The following ELOVL6 variants were observed in gnomAD, a reference collection of about 807,000 sequenced individuals.
The protein encoded by ELOVL6 is ELOVL fatty acid elongase 6.
ELOVL6 carries 8 observed loss-of-function variants against 31.7 expected under a neutral mutation model. That is an observed-to-expected ratio of 0.25 (90% CI 0.15 to 0.45). ELOVL6 has a LOEUF of 0.45. Ranked by LOEUF, ELOVL6 falls within the 20% of genes least tolerant of loss-of-function variation. The probability of loss-of-function intolerance (pLI) is 1.00; values close to 1 mark genes in which losing one functional copy is unlikely to be tolerated. For synonymous variants in ELOVL6, 101 were observed against 117.7 expected, an observed-to-expected ratio of 0.86 and a Z score of 0.92; for missense variants, 126 against 326.4, an observed-to-expected ratio of 0.39 and a Z score of 4.73.
chr4:110,075,638 G>C (rs1485126260), intron 2 of ELOVL6, among the ~76,000 whole-genome samples: 1 of 152,112 alleles, frequency 6.6e-6, no homozygotes, highest in African/African-American at 2.4e-5. Context: ...CACTTAATGG[G>C]TACAGTTTCA....
At chr4:110,134,691 T>C (rs1413606454) in intron 1 of ELOVL6, among the ~76,000 whole-genome samples, 1 of 152,172 alleles carries the variant, frequency 6.6e-6, no homozygotes, top group African/African-American at 2.4e-5. Flanking sequence ...CTGGGTGTGG[T>C]AGCTCATGTC....
At position 110,113,089 on chromosome 4, in the gene ELOVL6, G is replaced by A. The variant is rs186951435; in HGVS notation, c.90-7461C>T. On this transcript the variant is annotated intron_variant, in intron 1 of 3. Transcript: ENST00000302274. ...AAAATACAAAAAAAATTAGCCAGGC[G>A]TGGTGGCAGGCGCCTGTAATCCCAG... 1.5e-3 allele frequency among the ~76,000 whole-genome samples: 231 copies of A among 151,694 alleles called. 2 individuals are homozygous for A. Among genetic ancestry groups the A allele is most frequent in the Admixed American group, 5.1e-3 (77 of 15,218 alleles).
chr4:110,117,080 T>C (rs1181596944), intron 1 of ELOVL6, among the ~76,000 whole-genome samples: 1 of 152,194 alleles, frequency 6.6e-6, no homozygotes, highest in East Asian at 1.9e-4. Context: ...AGGGTGATGA[T>C]TTTGCCCTTC....
chr4:110,076,620 C>T (rs542040625), intron 2 of ELOVL6, among the ~76,000 whole-genome samples: 215 of 152,246 alleles, frequency 1.4e-3, no homozygotes, highest in Non-Finnish European at 2.6e-3. Context: ...CCAAGAAGGT[C>T]AAATAAGAAC....
intron 2 of ELOVL6, among the ~76,000 whole-genome samples, chr4:110,091,777 A>G (rs1278379325): frequency 6.6e-6 from 1 of 152,172 alleles, no homozygotes; most frequent in East Asian, 1.9e-4. Flanking sequence ...TCTGTCTACT[A>G]TTGTACCATT....
At position 110,084,360 on chromosome 4, in the gene ELOVL6, C is replaced by G. The variant is rs1420707065; in HGVS notation, c.221+21137G>C. Among the ~76,000 whole-genome samples the G allele has an allele frequency of 2.0e-4, 16 of 80,260 alleles. 1 individual carries two copies. Among genetic ancestry groups the G allele is most frequent in the African/African-American group, 6.6e-4 (15 of 22,560 alleles). 52.7% of individuals were successfully genotyped at this position (80,260 alleles called of 152,430 possible). The stretch of plus-strand genomic sequence containing the variant: ...CACATATATGATATATGATATATAC[C>G]GCATATATGATATATGATATATATC... On this transcript the variant is annotated intron_variant, in intron 2 of 3. Transcript: ENST00000302274.
At chr4:110,193,522 T>C (rs1397661364) in intron 1 of ELOVL6, among the ~76,000 whole-genome samples, 1 of 152,108 alleles carries the variant, frequency 6.6e-6, no homozygotes, top group Non-Finnish European at 1.5e-5. Flanking sequence ...TAAGAATCAC[T>C]GGAACCCGGA....
intron 2 of ELOVL6, among the ~76,000 whole-genome samples, chr4:110,087,818 A>AAAC (rs377416459): frequency 3.4e-4 from 50 of 148,720 alleles, no homozygotes; most frequent in Non-Finnish European, 3.0e-4. Context: ...AAAAAAAAAA[A>AAAC]CCTCCTATTT....
At chr4:110,121,678 G>A (rs951918830) in intron 1 of ELOVL6, among the ~76,000 whole-genome samples, 11 of 152,034 alleles carry the variant, frequency 7.2e-5, no homozygotes, top group African/African-American at 1.7e-4. Flanking sequence ...CAGCCTGGGC[G>A]ACAGATCGAG....
intron 2 of ELOVL6, among the ~76,000 whole-genome samples, chr4:110,076,196 C>T (rs1560808343): frequency 6.6e-6 from 1 of 152,098 alleles, no homozygotes; most frequent in Non-Finnish European, 1.5e-5. Context: ...TAAATTGAAT[C>T]TTTTTATAGG....
At chr4:110,187,288 T>C (rs1334212714) in intron 1 of ELOVL6, among the ~76,000 whole-genome samples, 2 of 151,938 alleles carry the variant, frequency 1.3e-5, no homozygotes, top group Non-Finnish European at 2.9e-5. Context: ...TTACATAGTA[T>C]CTATTGTTTC....
chr4:110,186,340 C>T (rs1759439813), intron 1 of ELOVL6, among the ~76,000 whole-genome samples: 1 of 152,130 alleles, frequency 6.6e-6, no homozygotes, highest in Non-Finnish European at 1.5e-5. Context: ...TATTTTGAGA[C>T]ATCTGATAGC....
At chr4:110,113,451 T>C (rs1004651783) in intron 1 of ELOVL6, among the ~76,000 whole-genome samples, 2 of 151,656 alleles carry the variant, frequency 1.3e-5, no homozygotes, top group African/African-American at 2.4e-5. Context: ...GCTGTAGTGG[T>C]GCATGCCTGT....
At chr4:110,097,249 G>A (rs1465857154) in intron 2 of ELOVL6, among the ~76,000 whole-genome samples, 1 of 144,948 alleles carries the variant, frequency 6.9e-6, no homozygotes, top group Non-Finnish European at 1.5e-5. Flanking sequence ...AGGTTGCAGT[G>A]AGCCAAGATC....
chr4:110,154,490 T>C lies in ELOVL6; in HGVS notation c.89+43757A>G, dbSNP rs188274144. On this transcript the variant is annotated intron_variant, in intron 1 of 3. Transcript: ENST00000302274. ...GGCTGGTCGTGAACTCCTGGCCTCA[T>C]GTGATCCTCCTGCCTTGGCCTCCCA... Among the ~76,000 whole-genome samples the C allele has an allele frequency of 4.0e-3, 602 of 152,234 alleles. 5 individuals are homozygous for C. The highest frequency in any genetic ancestry group is 0.014 in the African/African-American group (576 of 41,546).
intron 2 of ELOVL6, among the ~76,000 whole-genome samples, chr4:110,085,207 G>A (rs1409460273): frequency 6.6e-6 from 1 of 152,156 alleles, no homozygotes; most frequent in Non-Finnish European, 1.5e-5. Flanking sequence ...CATAACCACT[G>A]GAATATTCTT....
intron 1 of ELOVL6, among the ~76,000 whole-genome samples, chr4:110,108,824 CAG>C (rs1756955089): frequency 1.3e-5 from 2 of 152,154 alleles, no homozygotes; most frequent in Non-Finnish European, 2.9e-5. Context: ...ATTGCATGCA[CAG>C]AAATCTTTTA....
intron 1 of ELOVL6, among the ~76,000 whole-genome samples, chr4:110,109,019 T>C (rs905220100): frequency 6.6e-6 from 1 of 152,228 alleles, no homozygotes; most frequent in Non-Finnish European, 1.5e-5. Flanking sequence ...AACAGGACAA[T>C]TTAAATGAAT....
intron 2 of ELOVL6, among the ~76,000 whole-genome samples, chr4:110,079,181 C>A (rs1432799644): frequency 6.6e-6 from 1 of 152,136 alleles, no homozygotes; most frequent in East Asian, 1.9e-4. Flanking sequence ...GACAGATCAA[C>A]AAGACAGAAA....
Sources: gnomAD v4.1 joint callset for allele counts (sites outside exome capture counted in the v4.1 genomes callset) on GRCh38, gnomAD v4.1.1 for gene constraint, MANE v1.5 for transcripts, NCBI Gene and HGNC (gene_info 2026-07-23, HGNC 2026-07-21) for gene names.